CFAP44: variants seen among roughly 807,000 people sequenced by gnomAD.
CFAP44 encodes cilia and flagella associated protein 44.
A neutral mutation model predicts 216.2 loss-of-function variants in CFAP44; 134 were observed. The ratio of observed to expected loss-of-function variants is 0.62; its 90% CI spans 0.54 to 0.72. The LOEUF (loss-of-function observed/expected upper bound fraction) is 0.72. Among genes scored for constraint, CFAP44 ranks in the 30% least tolerant of loss-of-function variants. The probability of loss-of-function intolerance (pLI) is 0.00; values close to 1 mark genes in which losing one functional copy is unlikely to be tolerated. For synonymous variants in CFAP44, 700 were observed against 727.6 expected (o/e 0.96, Z 0.61); for missense variants, 2,035 against 2,182.1 (o/e 0.93, Z 1.34).
At chr3:113,416,233 T>C (rs779285578) in intron 6 of CFAP44, among the ~76,000 whole-genome samples, 4 of 152,144 alleles carry the variant, frequency 2.6e-5, no homozygotes, top group Admixed American at 2.6e-4. Flanking sequence ...CCTCCATTCC[T>C]TTGTTTTGAG....
rs190284399 is a variant in CFAP44, at chr3:113,420,287, G to T, written c.408-108C>A. On this transcript the variant is annotated intron_variant, in intron 4 of 34. Coordinates refer to ENST00000393845, the MANE Select transcript of CFAP44 (RefSeq NM_001164496.2). ...CTATACTCTTAGATGAAGATGTGAG[G>T]TTGAAGTAGTTGAATTTTACCCTGA... The T allele has an allele frequency of 1.1e-4, 120 of 1,111,646 alleles. No individual in the cohort carries two copies. In the East Asian group the frequency reaches 2.9e-3, roughly 27 times the overall value. The allele number at this position is 1,111,646 out of a possible 1,614,324, so 68.9% of individuals were successfully genotyped here.
At chr3:113,422,164 A>G (rs531324696) in intron 4 of CFAP44, among the ~76,000 whole-genome samples, 20 of 152,300 alleles carry the variant, frequency 1.3e-4, no homozygotes, top group Admixed American at 7.2e-4. Context: ...AGCATATCCT[A>G]TAGTGTAGCT....
chr3:113,289,400 A>T lies in CFAP44; in HGVS notation c.*2157T>A, dbSNP rs1268925515. On this transcript the variant is annotated 3_prime_UTR_variant, in exon 35 of 35. Transcript: ENST00000393845. ...CTGATGTGGCTCTTCTGTAGACTGT[A>T]GGTCCATTCTTGCTGCAATCAGAAT... is the stretch of plus-strand genomic sequence containing the variant. 1 of 152,178 alleles carries T rather than the reference A, an allele frequency of 6.6e-6. No homozygotes were observed. The highest frequency in any genetic ancestry group is 6.5e-5 in the Admixed American group (1 of 15,280). The allele number at this position is 152,178 out of a possible 1,614,324, so 9.4% of individuals were successfully genotyped here.
At chr3:113,371,109 T>C (rs1473391845) in intron 18 of CFAP44, among the ~76,000 whole-genome samples, 2 of 152,222 alleles carry the variant, frequency 1.3e-5, no homozygotes, top group Non-Finnish European at 1.5e-5. Flanking sequence ...GAACATTCCA[T>C]GTTCATGGAT....
At chr3:113,387,473 C>T (rs1933679817) in intron 15 of CFAP44, among the ~76,000 whole-genome samples, 1 of 152,142 alleles carries the variant, frequency 6.6e-6, no homozygotes, top group Non-Finnish European at 1.5e-5. Context: ...AAGAGAAGGA[C>T]TCAATCCTGG....
rs1163100216 is a variant in CFAP44, at chr3:113,308,036, C to T, written c.4627+122G>A. The T allele has an allele frequency of 7.3e-6, 5 of 687,154 alleles. No individual in the cohort carries two copies. In the Admixed American group the frequency reaches 1.6e-4, roughly 22 times the overall value. The allele number at this position is 687,154 out of a possible 1,614,324, so 42.6% of individuals were successfully genotyped here. ...AAAAGGTATTCATTAGACTCTATAA[C>T]ATACATTTTGAACTATCCTTTTTTT... is the stretch of plus-strand genomic sequence containing the variant. On this transcript the variant is annotated intron_variant, in intron 29 of 34. Transcript: ENST00000393845.
intron 32 of CFAP44, among the ~76,000 whole-genome samples, chr3:113,302,456 G>GT (rs1385719629): frequency 8.3e-5 from 5 of 60,360 alleles, no homozygotes; most frequent in Non-Finnish European, 1.6e-4. Flanking sequence ...ACTAGACAAA[G>GT]TAAAAAAAAA....
chr3:113,371,116 G>A (rs749769022), intron 18 of CFAP44, among the ~76,000 whole-genome samples: 40 of 152,262 alleles, frequency 2.6e-4, no homozygotes, highest in South Asian at 8.3e-4. Context: ...CCATGTTCAT[G>A]GATAGGAAGA....
chr3:113,353,537 A>T (rs1221322176), intron 22 of CFAP44, among the ~76,000 whole-genome samples: 1 of 152,078 alleles, frequency 6.6e-6, no homozygotes, highest in Non-Finnish European at 1.5e-5. Flanking sequence ...AAAGCCAAAC[A>T]TAGGCTGCTA....
At chr3:113,336,929 T>C (rs1950286526) in intron 24 of CFAP44, among the ~76,000 whole-genome samples, 1 of 151,788 alleles carries the variant, frequency 6.6e-6, no homozygotes, top group Non-Finnish European at 1.5e-5. Context: ...TGGATGCTAG[T>C]TCTTCCCACT....
chr3:113,321,914 T>C (rs1166683965), intron 28 of CFAP44, among the ~76,000 whole-genome samples: 1 of 152,116 alleles, frequency 6.6e-6, no homozygotes, highest in Non-Finnish European at 1.5e-5. Flanking sequence ...ATTAGAAGAA[T>C]CAATATCATT....
chr3:113,409,430 C>T lies in CFAP44; in HGVS notation c.674-108G>A, dbSNP rs1476652842. On this transcript the variant is annotated intron_variant, in intron 6 of 34. Coordinates refer to ENST00000393845, the MANE Select transcript of CFAP44 (RefSeq NM_001164496.2). ...TCAGCCCATGGTGATGTAAGAATGC[C>T]AAGAATACCCTAAAGGAACAATTCC... 2.8e-5 allele frequency: 26 copies of T among 926,590 alleles called. No individual in the cohort carries two copies. In the Admixed American group the frequency reaches 4.3e-4, roughly 15 times the overall value. The allele number at this position is 926,590 out of a possible 1,614,324, so 57.4% of individuals were successfully genotyped here.
intron 4 of CFAP44, among the ~76,000 whole-genome samples, chr3:113,422,839 T>C (rs1429850192): frequency 2.6e-5 from 4 of 152,170 alleles, no homozygotes; most frequent in African/African-American, 4.8e-5. Flanking sequence ...ATTTATCTAA[T>C]ATTATTATCT....
In CFAP44 at chr3:113,396,626, C is replaced by A; in HGVS notation, c.1671G>T (p.Arg557=). Residue 557 remains arginine, a synonymous_variant, in exon 14 of 35, where the codon CGG becomes CGT. Coordinates refer to ENST00000393845, the MANE Select transcript of CFAP44 (RefSeq NM_001164496.2). ...DPKGLTIFAG[R]KKILDADIQL... is the part of the protein sequence containing the mutation. The stretch of plus-strand genomic sequence containing the variant: ...GAATATCAGCATCCAAAATTTTCTT[C>A]CGTCCCGCAAAAATCGTGAGCCCTT... The A allele has an allele frequency of 2.5e-6, 4 of 1,614,064 alleles. No homozygotes were observed. Among genetic ancestry groups the A allele is most frequent in the Non-Finnish European group, 3.4e-6 (4 of 1,179,990 alleles).
At chr3:113,440,568 T>C (rs1005141655) in intron 1 of CFAP44, among the ~76,000 whole-genome samples, 1 of 152,212 alleles carries the variant, frequency 6.6e-6, no homozygotes, top group African/African-American at 2.4e-5. Flanking sequence ...GCTGTCCCTC[T>C]GTAGTTCCAG....
intron 18 of CFAP44, 94 bp from the exon 19 acceptor site, chr3:113,366,403 G>C: frequency 7.0e-7 from 1 of 1,435,716 alleles, no homozygotes; most frequent in East Asian, 2.3e-5. Context: ...TAATAACAAA[G>C]TTGTTATGGA....
At chr3:113,409,003 C>G (rs1052494445) in intron 7 of CFAP44, 103 bp downstream of exon 7, 8 of 642,342 alleles carry the variant, frequency 1.2e-5, no homozygotes, top group Non-Finnish European at 1.8e-5. Context: ...TTAACCAAAA[C>G]AGCAAAAAAA....
chr3:113,345,283 G>A (rs1181680168), intron 22 of CFAP44, among the ~76,000 whole-genome samples: 4 of 151,584 alleles, frequency 2.6e-5, no homozygotes, highest in Non-Finnish European at 5.9e-5. Context: ...TCAAAAAGTG[G>A]AAAAATAATT....
chr3:113,326,764 G>T (rs1388634763), intron 27 of CFAP44, 124 bp from the exon 28 acceptor site: 12 of 527,766 alleles, frequency 2.3e-5, no homozygotes, highest in Non-Finnish European at 3.6e-5. Context: ...TTAAAAGAAG[G>T]TTACATTTCT....
Sources: allele counts gnomAD v4.1 joint callset (sites outside exome capture counted in the v4.1 genomes callset), GRCh38; gene constraint gnomAD v4.1.1; transcripts MANE v1.5; gene names NCBI Gene and HGNC (gene_info 2026-07-23, HGNC 2026-07-21).